RIMBP2: variants seen among roughly 807,000 people sequenced by gnomAD.
RIMBP2 encodes RIMS-binding protein 2.
A neutral mutation model predicts 118.6 loss-of-function variants in RIMBP2; 48 were observed. The ratio of observed to expected loss-of-function variants is 0.40; its 90% CI spans 0.32 to 0.51. The LOEUF is 0.51. RIMBP2 is among the 20% of genes least tolerant of loss of function. The pLI is 0.41. For missense variants in RIMBP2, 1,551 were observed against 1,768.3 expected, an observed-to-expected ratio of 0.88 and a Z score of 2.20; for synonymous variants, 762 against 742.9, an observed-to-expected ratio of 1.03 and a Z score of -0.42.
At chr12:130,509,071 G>A (rs2050644887) in intron 3 of RIMBP2, among the ~76,000 whole-genome samples, 1 of 152,082 alleles carries the variant, frequency 6.6e-6, no homozygotes, top group Admixed American at 6.5e-5. Flanking sequence ...CCACCAGCCT[G>A]CAGGGATTAC....
At chr12:130,618,784 TGGGAGACTGTGCAC>T (rs760316115) in intron 2 of RIMBP2, among the ~76,000 whole-genome samples, 36 of 152,274 alleles carry the variant, frequency 2.4e-4, no homozygotes, top group Admixed American at 7.2e-4. Flanking sequence ...GCAATGTAAA[TGGGAGACTGTGCAC>T]GAACGGGATG....
intron 1 of RIMBP2, among the ~76,000 whole-genome samples, chr12:130,676,924 T>A (rs1288370017): frequency 6.6e-6 from 1 of 152,126 alleles, no homozygotes; most frequent in Non-Finnish European, 1.5e-5. Flanking sequence ...GGAAAAAGCC[T>A]GTGGCTTAGT....
chr12:130,657,047 A>C (rs1322056727), intron 1 of RIMBP2, among the ~76,000 whole-genome samples: 1 of 152,176 alleles, frequency 6.6e-6, no homozygotes, highest in Non-Finnish European at 1.5e-5. Context: ...GGTGTGTACC[A>C]CCATGCCTAC....
chr12:130,536,964 C>T (rs906322282), intron 2 of RIMBP2, among the ~76,000 whole-genome samples: 1 of 152,208 alleles, frequency 6.6e-6, no homozygotes, highest in African/African-American at 2.4e-5. Context: ...AAACACAAGA[C>T]AACCCCAAAT....
At chr12:130,611,934 T>C (rs1471262134) in intron 2 of RIMBP2, among the ~76,000 whole-genome samples, 3 of 152,140 alleles carry the variant, frequency 2.0e-5, no homozygotes, top group African/African-American at 7.2e-5. Context: ...GGAAAACCAA[T>C]TGGCTGCAGG....
rs1370257899 is a variant in RIMBP2, at chr12:130,451,271, T to C, written c.428A>G (p.Asp143Gly). The C allele has an allele frequency of 2.5e-6, 4 of 1,614,146 alleles. No individual in the cohort carries two copies. The South Asian group carries it at 4.4e-5, about 18-fold the overall frequency. ...EYIRPLPQPGDRPEPLSAKPT... is the reference protein window; with the variant it reads ...EYIRPLPQPGGRPEPLSAKPT... ...CTTGGCGGACAGAGGCTCCGGCCTG[T>C]CACCAGGCTGCGGAAGGGGCCGGAT... is the stretch of plus-strand genomic sequence containing the variant. The change falls in exon 8 of 23, where the codon GAC (aspartate) becomes GGC (glycine). Residue 143 changes from aspartate (D) to glycine (G), a missense_variant. Asp to Gly is a moderately conservative substitution (Grantham distance 94). Coordinates refer to ENST00000690449, the MANE Select transcript of RIMBP2 (RefSeq NM_001393629.1).
At chr12:130,709,047 A>G (rs1442132104) in intron 1 of RIMBP2, among the ~76,000 whole-genome samples, 1 of 152,254 alleles carries the variant, frequency 6.6e-6, no homozygotes, top group Non-Finnish European at 1.5e-5. Flanking sequence ...TGTGTCATGC[A>G]TGTAACCGAG....
chr12:130,698,160 C>T (rs2065664338), intron 1 of RIMBP2, among the ~76,000 whole-genome samples: 2 of 152,138 alleles, frequency 1.3e-5, no homozygotes, highest in Admixed American at 6.5e-5. Context: ...AGCAGAGTAA[C>T]AGACCCCAGA....
rs118046844 is a variant in RIMBP2, at chr12:130,530,986, C to T, written c.-216-13069G>A. Among the ~76,000 whole-genome samples the T allele has an allele frequency of 2.4e-4, 37 of 152,274 alleles. No homozygotes were observed. In the East Asian group the frequency reaches 7.2e-3, roughly 29 times the overall value. On this transcript the variant is annotated intron_variant, in intron 2 of 22. Coordinates refer to ENST00000690449, the MANE Select transcript of RIMBP2 (RefSeq NM_001393629.1). ...ATTCAAGATGACCATGCTTCTCTCC[C>T]CAAGGACTGATCACTTTGATTGATG...
intron 6 of RIMBP2, among the ~76,000 whole-genome samples, chr12:130,467,820 T>C (rs780634261): frequency 1.1e-4 from 17 of 152,198 alleles, no homozygotes; most frequent in Non-Finnish European, 2.4e-4. Flanking sequence ...CAGACAGCCT[T>C]GGGCACATGT....
chr12:130,675,562 ACCCCCATGCCTCCAGGCCG>A (rs1418767535), intron 1 of RIMBP2, among the ~76,000 whole-genome samples: 6 of 149,256 alleles, frequency 4.0e-5, no homozygotes, highest in East Asian at 2.0e-4. Flanking sequence ...CAGGCCGTCC[ACCCCCATGCCTCCAGGCCG>A]TCCACCCTAA....
chr12:130,616,387 T>C (rs939006669), intron 2 of RIMBP2, among the ~76,000 whole-genome samples: 1 of 152,134 alleles, frequency 6.6e-6, no homozygotes, highest in South Asian at 2.1e-4. Context: ...TCATCTTCTC[T>C]GACTGTTGCC....
At position 130,685,794 on chromosome 12, in the gene RIMBP2, G is replaced by A. The variant is rs558857130; in HGVS notation, c.-352+30428C>T. 2.6e-5 allele frequency among the ~76,000 whole-genome samples: 4 copies of A among 152,266 alleles called. No homozygotes were observed. The East Asian group carries it at 7.7e-4, about 29-fold the overall frequency. ...GCCCTGCTCTGTTTACCTATGACAA[G>A]GCCAGACACAGCCCCTCCAAAATCT... On this transcript the variant is annotated intron_variant, in intron 1 of 22. Transcript: ENST00000690449.
chr12:130,560,890 AC>A (rs2056768716), intron 2 of RIMBP2, among the ~76,000 whole-genome samples: 1 of 152,200 alleles, frequency 6.6e-6, no homozygotes, highest in African/African-American at 2.4e-5. Context: ...AACCCCCAGA[AC>A]CTCAGAACAT....
At chr12:130,397,957 G>T (rs915229372) in intron 22 of RIMBP2, 16 of 153,944 alleles carry the variant, frequency 1.0e-4, no homozygotes, top group African/African-American at 3.4e-4. Flanking sequence ...AAACTATTTG[G>T]TTATATAAAA....
At chr12:130,686,438 T>TCGTC (rs1262322746) in intron 1 of RIMBP2, among the ~76,000 whole-genome samples, 1 of 152,160 alleles carries the variant, frequency 6.6e-6, no homozygotes, top group Admixed American at 6.5e-5. Context: ...CCCGGGCACC[T>TCGTC]CGTCCCCTTT....
At chr12:130,680,793 C>T (rs375734279) in intron 1 of RIMBP2, among the ~76,000 whole-genome samples, 41 of 152,294 alleles carry the variant, frequency 2.7e-4, no homozygotes, top group African/African-American at 9.6e-4. Context: ...CCCGTGGCAG[C>T]GCGACTGAGG....
In RIMBP2 at chr12:130,578,459, G is replaced by A. The variant is rs2058240057; in HGVS notation, c.-217+49863C>T. 6.6e-6 allele frequency among the ~76,000 whole-genome samples: 1 copy of A among 152,104 alleles called. No homozygotes were observed. ...GCCCCTGCCTCACCTGTCCAACCTCGCCTTGACCTGACTCTCCAGCTGCAT... is the reference window on the plus strand; with the variant it reads ...GCCCCTGCCTCACCTGTCCAACCTCACCTTGACCTGACTCTCCAGCTGCAT... On this transcript the variant is annotated intron_variant, in intron 2 of 22. Coordinates refer to ENST00000690449, the MANE Select transcript of RIMBP2 (RefSeq NM_001393629.1). This position sits in a 1 kb window ranked among gnomAD's most constrained non-coding sequence, Gnocchi z 4.1.
At position 130,450,951 on chromosome 12, in the gene RIMBP2, G is replaced by A. The variant is rs1301316803; in HGVS notation, c.504+244C>T. 6.6e-6 allele frequency among the ~76,000 whole-genome samples: 1 copy of A among 152,168 alleles called. No individual in the cohort carries two copies. Among genetic ancestry groups the A allele is most frequent in the Non-Finnish European group, 1.5e-5 (1 of 68,038 alleles). ...CTCGATGGGATTTGCTTTTCTAAAC[G>A]CTGCCTCGCCAGTGTTCTCTCTGCT... On this transcript the variant is annotated intron_variant, in intron 8 of 22. Transcript: ENST00000690449. The surrounding 1 kb of genome is among the most constrained non-coding windows in gnomAD (Gnocchi z 4.8).
Sources: gnomAD v4.1 joint callset for allele counts (sites outside exome capture counted in the v4.1 genomes callset) on GRCh38, gnomAD v4.1.1 for gene constraint, Gnocchi (gnomAD v3.1) non-coding constraint, MANE v1.5 for transcripts, NCBI Gene and HGNC (gene_info 2026-07-23, HGNC 2026-07-21) for gene names.